Variants in LRRC4C observed in about 807,000 individuals in gnomAD.
LRRC4C encodes the protein leucine rich repeat containing 4C, also known as leucine-rich repeat-containing protein 4C.
LRRC4C carries 5 observed loss-of-function variants against 33.6 expected under a neutral mutation model. That is an observed-to-expected ratio of 0.15 (90% CI 0.08 to 0.31). The LOEUF (loss-of-function observed/expected upper bound fraction) is 0.31, where lower values mean the gene tolerates loss of function less well. LRRC4C is among the 10% of genes least tolerant of loss of function. The probability of loss-of-function intolerance (pLI) is 1.00; values close to 1 mark genes in which losing one functional copy is unlikely to be tolerated. For missense variants in LRRC4C, 560 were observed against 796.7 expected (o/e 0.70, Z 3.58); for synonymous variants, 329 against 302.0 (o/e 1.09, Z -0.93).
chr11:41,326,945 C>T (rs1404951010), intron 1 of LRRC4C, among the ~76,000 whole-genome samples: 3 of 152,150 alleles, frequency 2.0e-5, no homozygotes, highest in Non-Finnish European at 4.4e-5. Context: ...TCATCACATT[C>T]TTGTAGATTA....
chr11:40,196,587 C>T (rs181159237), intron 5 of LRRC4C, among the ~76,000 whole-genome samples: 1 of 152,278 alleles, frequency 6.6e-6, no homozygotes, highest in East Asian at 1.9e-4. Flanking sequence ...TATACACATG[C>T]ACAAGTATGC....
intron 1 of LRRC4C, among the ~76,000 whole-genome samples, chr11:41,450,695 C>T (rs755000023): frequency 6.6e-5 from 10 of 152,120 alleles, no homozygotes; most frequent in Non-Finnish European, 1.2e-4. Context: ...TGTGTGACAG[C>T]TATTGTGTCA....
chr11:40,811,189 C>CTTCAAATGTG (rs1367549290), intron 2 of LRRC4C, among the ~76,000 whole-genome samples: 1 of 152,110 alleles, frequency 6.6e-6, no homozygotes, highest in Non-Finnish European at 1.5e-5. Flanking sequence ...CTTTTCTTCA[C>CTTCAAATGTG]ACAGATCTCA....
intron 3 of LRRC4C, among the ~76,000 whole-genome samples, chr11:40,433,893 A>G (rs1167002217): frequency 2.0e-5 from 3 of 152,188 alleles, no homozygotes; most frequent in South Asian, 2.1e-4. Flanking sequence ...TGAAATTTCC[A>G]GTTGTTCCCA....
intron 3 of LRRC4C, among the ~76,000 whole-genome samples, chr11:40,365,919 A>G (rs2137213564): frequency 6.6e-6 from 1 of 152,216 alleles, no homozygotes; most frequent in South Asian, 2.1e-4. Flanking sequence ...TATTACATAT[A>G]CTGTCGTGCA....
At chr11:41,165,003 C>G (rs1245669979) in intron 1 of LRRC4C, among the ~76,000 whole-genome samples, 3 of 152,138 alleles carry the variant, frequency 2.0e-5, no homozygotes, top group Admixed American at 2.0e-4. Flanking sequence ...TCCATTATCT[C>G]AAGTAGCAGC....
chr11:40,556,646 T>G (rs1360246482), intron 3 of LRRC4C, among the ~76,000 whole-genome samples: 34 of 152,188 alleles, frequency 2.2e-4, no homozygotes, highest in Admixed American at 2.2e-3. Flanking sequence ...CAGGCAGTTC[T>G]GGCTCTCTCT....
At chr11:40,683,939 C>T (rs1286424663) in intron 2 of LRRC4C, among the ~76,000 whole-genome samples, 1 of 152,100 alleles carries the variant, frequency 6.6e-6, no homozygotes, top group Non-Finnish European at 1.5e-5. Context: ...AACTTAGAAC[C>T]CCAAATTAGC....
chr11:41,289,858 G>A (rs1466024933), intron 1 of LRRC4C, among the ~76,000 whole-genome samples: 1 of 152,140 alleles, frequency 6.6e-6, no homozygotes, highest in East Asian at 1.9e-4. Context: ...CATAAAAATG[G>A]CAGTGAGAAA....
At chr11:41,282,081 T>C (rs1043695433) in intron 1 of LRRC4C, among the ~76,000 whole-genome samples, 4 of 152,140 alleles carry the variant, frequency 2.6e-5, no homozygotes, top group Non-Finnish European at 1.5e-5. Context: ...CATGAATATA[T>C]TGTGTTCTAA....
At chr11:40,389,379 G>A (rs1429074857) in intron 3 of LRRC4C, among the ~76,000 whole-genome samples, 1 of 151,938 alleles carries the variant, frequency 6.6e-6, no homozygotes, top group Admixed American at 6.6e-5. Context: ...GCGTGGGTTA[G>A]TTGTCAAGAA....
intron 1 of LRRC4C, among the ~76,000 whole-genome samples, chr11:41,073,635 A>G (rs1938883553): frequency 6.6e-6 from 1 of 152,236 alleles, no homozygotes; most frequent in African/African-American, 2.4e-5. Context: ...AAGATAGTTT[A>G]AGGACAAGAA....
chr11:41,244,188 T>TCTATCTATCTATCTATCTATCTAC (rs1384959472), intron 1 of LRRC4C, among the ~76,000 whole-genome samples: 69 of 150,610 alleles, frequency 4.6e-4, no homozygotes, highest in African/African-American at 1.5e-3. Context: ...TATCTATCTA[T>TCTATCTATCTATCTATCTATCTAC]CTATCGATCG....
chr11:41,263,635 T>C (rs1279421847), intron 1 of LRRC4C, among the ~76,000 whole-genome samples: 1 of 152,168 alleles, frequency 6.6e-6, no homozygotes, highest in Non-Finnish European at 1.5e-5. Flanking sequence ...TTTGAGTATT[T>C]AATATTTTTT....
At chr11:40,717,018 C>T (rs1946760406) in intron 2 of LRRC4C, among the ~76,000 whole-genome samples, 1 of 152,172 alleles carries the variant, frequency 6.6e-6, no homozygotes, top group South Asian at 2.1e-4. Flanking sequence ...AGCCTTTTAG[C>T]AGTTTTGTTC....
chr11:41,112,240 C>T (rs1229091930), intron 1 of LRRC4C, among the ~76,000 whole-genome samples: 2 of 152,062 alleles, frequency 1.3e-5, no homozygotes, highest in African/African-American at 4.8e-5. Flanking sequence ...CATCCTGACA[C>T]TGATTGCTCA....
intron 3 of LRRC4C, among the ~76,000 whole-genome samples, chr11:40,513,721 A>G (rs1955439499): frequency 6.6e-6 from 1 of 152,162 alleles, no homozygotes; most frequent in Admixed American, 6.5e-5. Context: ...CCAGGATAGA[A>G]GTGAGTTTTT....
chr11:40,323,372 G>A (rs1057319833), intron 3 of LRRC4C, among the ~76,000 whole-genome samples: 2 of 152,180 alleles, frequency 1.3e-5, no homozygotes, highest in Admixed American at 6.5e-5. Context: ...AAATTAATGA[G>A]AAGCTCAATG....
chr11:40,591,403 G>A (rs570772681), intron 3 of LRRC4C, among the ~76,000 whole-genome samples: 125 of 152,210 alleles, frequency 8.2e-4, no homozygotes, highest in African/African-American at 2.7e-3. Flanking sequence ...AGATGAACCC[G>A]GTACCTCAGA....
Sources: gnomAD v4.1 joint callset for allele counts (sites outside exome capture counted in the v4.1 genomes callset) on GRCh38, gnomAD v4.1.1 for gene constraint, MANE v1.5 for transcripts, NCBI Gene and HGNC (gene_info 2026-07-23, HGNC 2026-07-21) for gene names.